Variants in SEC63 observed in about 807,000 individuals in gnomAD.
SEC63 encodes the protein SEC63 protein translocation regulator.
In SEC63, 56 loss-of-function variants were observed where a neutral mutation model predicts 116.2. The observed-to-expected ratio is 0.48, with a 90% CI of 0.39 to 0.60. The LOEUF is 0.60. SEC63 is among the 20% of genes least tolerant of loss of function. The pLI is 0.00. For synonymous variants in SEC63, 273 were observed against 294.6 expected (o/e 0.93, Z 0.75); for missense variants, 668 against 900.0 (o/e 0.74, Z 3.30).
At position 107,956,051 on chromosome 6, in the gene SEC63, G is replaced by A. The variant is rs547855133; in HGVS notation, c.124+1835C>T. ...GGCCAGCTACTCGGGGGGCTGAAGC[G>A]GGAGGATGACTTGAAGCAAGTTCAA... is the stretch of plus-strand genomic sequence containing the variant. On this transcript the variant is annotated intron_variant, in intron 1 of 20. Coordinates refer to ENST00000369002, the MANE Select transcript of SEC63 (RefSeq NM_007214.5). 90 of 396,482 alleles carry A rather than the reference G, an allele frequency of 2.3e-4. 2 individuals are homozygous for A. The highest frequency in any genetic ancestry group is 1.8e-3 in the African/African-American group (83 of 45,570). The allele number at this position is 396,482 out of a possible 1,614,324, so 24.6% of individuals were successfully genotyped here.
intron 4 of SEC63, among the ~76,000 whole-genome samples, chr6:107,917,085 A>G (rs909478154): frequency 6.6e-6 from 1 of 152,200 alleles, no homozygotes; most frequent in Non-Finnish European, 1.5e-5. Flanking sequence ...CACCTGGCCC[A>G]CCCAGAGCAG....
chr6:107,915,817 T>C (rs937251392), intron 4 of SEC63, among the ~76,000 whole-genome samples: 34 of 152,176 alleles, frequency 2.2e-4, no homozygotes, highest in Admixed American at 1.8e-3. Context: ...TTAGAACTTA[T>C]AGTTGGTAAA....
intron 8 of SEC63, among the ~76,000 whole-genome samples, chr6:107,908,336 ATT>A (rs5878947): frequency 6.6e-6 from 1 of 151,900 alleles, no homozygotes; most frequent in Non-Finnish European, 1.5e-5. Context: ...TGAAAATAGT[ATT>A]TTTTTTCTTA....
chr6:107,923,161 T>C (rs952302620), intron 3 of SEC63, among the ~76,000 whole-genome samples: 3 of 152,204 alleles, frequency 2.0e-5, no homozygotes, highest in Admixed American at 2.0e-4. Flanking sequence ...AGATTTTTTT[T>C]TTGAGACAGT....
intron 12 of SEC63, among the ~76,000 whole-genome samples, chr6:107,902,010 T>C (rs1787016228): frequency 2.0e-5 from 3 of 152,126 alleles, no homozygotes; most frequent in African/African-American, 7.2e-5. Context: ...ATATAGCTAT[T>C]ACTACAGTAA....
chr6:107,948,865 T>A (rs1028464743), intron 1 of SEC63, among the ~76,000 whole-genome samples: 5 of 152,222 alleles, frequency 3.3e-5, no homozygotes, highest in Admixed American at 1.3e-4. Context: ...TGATCCATTG[T>A]CCCTAGCAAT....
At chr6:107,936,993 T>TG (rs1402276789) in intron 1 of SEC63, among the ~76,000 whole-genome samples, 1 of 152,202 alleles carries the variant, frequency 6.6e-6, no homozygotes, top group Non-Finnish European at 1.5e-5. Context: ...AGTCAGAACA[T>TG]GCAGTATTTG....
intron 1 of SEC63, among the ~76,000 whole-genome samples, chr6:107,947,368 A>AAAAACC (rs1010779114): frequency 3.1e-4 from 47 of 152,172 alleles, no homozygotes; most frequent in African/African-American, 1.1e-3. Context: ...AAAAGAACAA[A>AAAAACC]AAAACCAAAC....
In SEC63 at chr6:107,921,874, A is replaced by C; in HGVS notation, c.375T>G (p.Arg125=). The C allele has an allele frequency of 6.2e-7, 1 of 1,612,432 alleles. No homozygotes were observed. ...CTGGATGATATTTAAGTGACAGCAA[A>C]CGATATTGTTTTTTAATTTCTGCTA... The part of the protein sequence containing the change: ...ATVAEIKKQY[R]LLSLKYHPDK... Residue 125 remains arginine, a synonymous_variant, in exon 4 of 21, where the codon CGT becomes CGG. Coordinates refer to ENST00000369002, the MANE Select transcript of SEC63 (RefSeq NM_007214.5).
chr6:107,924,893 G>T lies in SEC63; in HGVS notation c.264C>A (p.Phe88Leu). 1 of 1,603,644 alleles carries T rather than the reference G, an allele frequency of 6.2e-7. No individual in the cohort carries two copies. The highest frequency in any genetic ancestry group is 1.1e-5 in the South Asian group (1 of 90,842). Reference protein sequence around the residue: ...VLLAGWALFLFLAYKVSKTDR... With the variant: ...VLLAGWALFLLLAYKVSKTDR... ...CTGTTTTGGAAACTTTATATGCAAG[G>T]AATAAGAACAATGCCCATCCTGCAA... is the stretch of plus-strand genomic sequence containing the variant. Residue 88 changes from phenylalanine to leucine, a missense_variant, in exon 3 of 21, where the codon TTC (phenylalanine) becomes TTA (leucine). Phe to Leu is a conservative substitution (Grantham distance 22). Coordinates refer to ENST00000369002, the MANE Select transcript of SEC63 (RefSeq NM_007214.5).
chr6:107,924,612 A>G (rs1297748939), intron 3 of SEC63, among the ~76,000 whole-genome samples: 1 of 152,192 alleles, frequency 6.6e-6, no homozygotes, highest in Non-Finnish European at 1.5e-5. Context: ...CTTATATTTT[A>G]GCAATTGAAA....
rs908992673 is a variant in SEC63 at position 107,870,612 on chromosome 6, C to A, written c.*1092G>T. The A allele has an allele frequency of 4.6e-5, 7 of 152,096 alleles. No homozygotes were observed. Among genetic ancestry groups the A allele is most frequent in the African/African-American group, 1.7e-4 (7 of 41,418 alleles). The allele number at this position is 152,096 out of a possible 1,614,324, so 9.4% of individuals were successfully genotyped here. ...TTCCAGTTGTACTATGAGGGGAAATCCCTCTCACTCCTGGGTTTTTCTACA... is the reference window on the plus strand; with the variant it reads ...TTCCAGTTGTACTATGAGGGGAAATACCTCTCACTCCTGGGTTTTTCTACA... On this transcript the variant is annotated 3_prime_UTR_variant, in exon 21 of 21. Coordinates refer to ENST00000369002, the MANE Select transcript of SEC63 (RefSeq NM_007214.5).
At chr6:107,925,857 A>G (rs1787663239) in intron 2 of SEC63, among the ~76,000 whole-genome samples, 1 of 152,164 alleles carries the variant, frequency 6.6e-6, no homozygotes, top group South Asian at 2.1e-4. Flanking sequence ...CATTTGATTA[A>G]CTTTTTTTTT....
At chr6:107,888,968 G>C (rs921909473) in intron 16 of SEC63, among the ~76,000 whole-genome samples, 1 of 152,216 alleles carries the variant, frequency 6.6e-6, no homozygotes, top group Admixed American at 6.5e-5. Context: ...TAAACTTTCT[G>C]ATGTGCTGCT....
At chr6:107,922,470 C>T (rs1309374034) in intron 3 of SEC63, among the ~76,000 whole-genome samples, 1 of 152,234 alleles carries the variant, frequency 6.6e-6, no homozygotes, top group Non-Finnish European at 1.5e-5. Flanking sequence ...TACGCCACTG[C>T]ACTCCAGCCT....
chr6:107,912,851 C>CTATAA, intron 5 of SEC63, 77 bp from the exon 6 acceptor site: 1 of 1,056,854 alleles, frequency 9.5e-7, no homozygotes, highest in South Asian at 1.3e-5. Flanking sequence ...TATTTGGGAT[C>CTATAA]TATAATATAT....
chr6:107,886,092 A>T (rs529593905), intron 16 of SEC63, among the ~76,000 whole-genome samples: 1 of 152,210 alleles, frequency 6.6e-6, no homozygotes, highest in African/African-American at 2.4e-5. Flanking sequence ...CCCACTTATG[A>T]GTGAGAACAT....
intron 1 of SEC63, among the ~76,000 whole-genome samples, chr6:107,949,091 C>T (rs749703028): frequency 6.6e-6 from 1 of 152,150 alleles, no homozygotes; most frequent in African/African-American, 2.4e-5. Flanking sequence ...TTTCCCTTGG[C>T]CCCTACATCC....
At chr6:107,934,338 T>A (rs1285502173) in intron 1 of SEC63, among the ~76,000 whole-genome samples, 2 of 143,570 alleles carry the variant, frequency 1.4e-5, no homozygotes, top group South Asian at 4.5e-4. Context: ...CCGGCCGTCA[T>A]CCCATCTAGG....
Sources: gnomAD v4.1 joint callset for allele counts (sites outside exome capture counted in the v4.1 genomes callset) on GRCh38, gnomAD v4.1.1 for gene constraint, MANE v1.5 for transcripts, NCBI Gene and HGNC (gene_info 2026-07-23, HGNC 2026-07-21) for gene names.